Variants in DOCK8 observed in about 807,000 individuals in gnomAD.
DOCK8 encodes the protein dedicator of cytokinesis protein 8.
Under a neutral mutation model 245.6 loss-of-function variants are expected in DOCK8, and 141 were observed. The ratio of observed to expected loss-of-function variants is 0.57; its 90% CI spans 0.50 to 0.66. The LOEUF (loss-of-function observed/expected upper bound fraction) is 0.66. DOCK8 is among the 30% of genes least tolerant of loss of function. The pLI, the probability that DOCK8 is intolerant of heterozygous loss-of-function variation, is 0.00. For missense variants in DOCK8, 2,965 were observed against 2,603.4 expected, an observed-to-expected ratio of 1.14 and a Z score of -3.02; for synonymous variants, 1,168 against 970.2, an observed-to-expected ratio of 1.20 and a Z score of -3.79.
intron 7 of DOCK8, 145 bp from the exon 8 acceptor site, chr9:325,526 A>G (rs987941036): frequency 4.2e-5 from 30 of 718,756 alleles, no homozygotes; most frequent in Non-Finnish European, 7.5e-5. Context: ...TTAATATCCC[A>G]GTGCGATTCT....
chr9:364,505 A>G (rs1028398160), intron 14 of DOCK8, among the ~76,000 whole-genome samples: 1 of 151,986 alleles, frequency 6.6e-6, no homozygotes, highest in Non-Finnish European at 1.5e-5. Flanking sequence ...GTCATGATGC[A>G]TGCCTACTAT....
chr9:409,916 G>A (rs1417352613), intron 28 of DOCK8, among the ~76,000 whole-genome samples: 1 of 152,124 alleles, frequency 6.6e-6, no homozygotes, highest in Non-Finnish European at 1.5e-5. Context: ...TGGTGTATAT[G>A]TGCCACATTT....
At chr9:312,538 T>C in intron 6 of DOCK8, 1 of 399,370 alleles carries the variant, frequency 2.5e-6, no homozygotes. Context: ...GAGACATACA[T>C]TACTTAAACT....
intron 1 of DOCK8, among the ~76,000 whole-genome samples, chr9:237,745 T>A (rs1323462575): frequency 6.6e-6 from 1 of 152,134 alleles, no homozygotes; most frequent in African/African-American, 2.4e-5. Context: ...ATCCCACACA[T>A]TGATAAGCAG....
At chr9:251,971 T>TC (rs1482204178) in intron 1 of DOCK8, among the ~76,000 whole-genome samples, 2 of 134,400 alleles carry the variant, frequency 1.5e-5, no homozygotes, top group South Asian at 2.4e-4. Context: ...AATTGTGTTT[T>TC]CTTTTTTTTT....
At chr9:296,934 G>T (rs189657881) in intron 4 of DOCK8, among the ~76,000 whole-genome samples, 5 of 152,188 alleles carry the variant, frequency 3.3e-5, no homozygotes, top group Non-Finnish European at 7.4e-5. Flanking sequence ...ACACCATGTG[G>T]GTTCTGATTT....
intron 14 of DOCK8, among the ~76,000 whole-genome samples, chr9:345,645 G>T (rs1188247545): frequency 5.9e-5 from 9 of 152,252 alleles, no homozygotes; most frequent in African/African-American, 2.2e-4. Flanking sequence ...GTTGGCTTGG[G>T]ATAGGCTGGC....
At chr9:331,352 C>T (rs913596154) in intron 9 of DOCK8, among the ~76,000 whole-genome samples, 3 of 152,186 alleles carry the variant, frequency 2.0e-5, no homozygotes, top group Non-Finnish European at 4.4e-5. Context: ...GGGTTTTGAA[C>T]TTCTTTGATG....
Position 464,313 on chromosome 9 carries a change from T to A in DOCK8, c.*94T>A. 1 of 1,034,876 alleles carries A rather than the reference T, an allele frequency of 9.7e-7. No homozygotes were observed. The allele number at this position is 1,034,876 out of a possible 1,614,324, so 64.1% of individuals were successfully genotyped here. On this transcript the variant is annotated 3_prime_UTR_variant, in exon 48 of 48. Transcript: ENST00000432829. ...AAATGGGACATTTGCCACCCAGGAC[T>A]GACTGTACACTCCCTGATCAGCCAG...
intron 4 of DOCK8, among the ~76,000 whole-genome samples, chr9:296,368 A>T (rs1240939989): frequency 6.6e-6 from 1 of 152,220 alleles, no homozygotes; most frequent in Non-Finnish European, 1.5e-5. Flanking sequence ...GGAGAGCTGA[A>T]CTCTTAAGAA....
chr9:249,393 A>G (rs763117543), intron 1 of DOCK8, among the ~76,000 whole-genome samples: 16 of 152,194 alleles, frequency 1.1e-4, no homozygotes, highest in African/African-American at 1.7e-4. Context: ...GATGTTTTCT[A>G]TACTGTCAGC....
chr9:420,225 C>A, intron 30 of DOCK8, 176 bp from the exon 31 acceptor site: 1 of 718,886 alleles, frequency 1.4e-6, no homozygotes. Context: ...ACACAGCTTC[C>A]CCTGCCTAGG....
At chr9:421,930 C>G in intron 32 of DOCK8, 118 bp from the exon 33 acceptor site, 1 of 903,478 alleles carries the variant, frequency 1.1e-6, no homozygotes, top group Non-Finnish European at 1.8e-6. Context: ...CCTGCATGGA[C>G]TCTAATTAGC....
chr9:436,326 C>G (rs775302115), intron 39 of DOCK8, among the ~76,000 whole-genome samples: 30 of 152,172 alleles, frequency 2.0e-4, no homozygotes, highest in Non-Finnish European at 2.6e-4. Flanking sequence ...CACCTGATTT[C>G]AAATCACATA....
chr9:219,606 A>T (rs897643174), intron 1 of DOCK8, among the ~76,000 whole-genome samples: 1 of 152,198 alleles, frequency 6.6e-6, no homozygotes, highest in African/African-American at 2.4e-5. Flanking sequence ...GCATTTAAGA[A>T]CAACCACAGG....
At chr9:296,254 G>T (rs1225317141) in intron 4 of DOCK8, among the ~76,000 whole-genome samples, 3 of 152,150 alleles carry the variant, frequency 2.0e-5, no homozygotes, top group Non-Finnish European at 2.9e-5. Flanking sequence ...AATATTTGAT[G>T]ACATCCTTTG....
At chr9:335,904 C>A (rs190999598) in intron 11 of DOCK8, among the ~76,000 whole-genome samples, 323 of 152,224 alleles carry the variant, frequency 2.1e-3, no homozygotes, top group Non-Finnish European at 3.6e-3. Flanking sequence ...TAGTTCTAAG[C>A]AATTTGATTA....
At position 283,312 on chromosome 9, in the gene DOCK8, GT is replaced by G. The variant is rs2048669514; in HGVS notation, c.157-3148del. On this transcript the variant is annotated intron_variant, in intron 2 of 47. Coordinates refer to ENST00000432829, the MANE Select transcript of DOCK8 (RefSeq NM_203447.4). The stretch of plus-strand genomic sequence containing the variant: ...TGCTCCAAAATCTGAAACTTTTTTT[GT>G]GCCTCCATGACGCCACAAGTGGAAA... Among the ~76,000 whole-genome samples the G allele has an allele frequency of 2.6e-5, 4 of 152,224 alleles. No individual in the cohort carries two copies. The South Asian group carries it at 8.3e-4, about 32-fold the overall frequency.
Position 340,620 on chromosome 9 carries a change from C to CA in DOCK8, c.1679+309dup, listed in dbSNP as rs370980165. 71,105 of 180,158 alleles carry CA rather than the reference C, an allele frequency of 0.39. 13,922 individuals carry two copies. Among genetic ancestry groups the CA allele is most frequent in the East Asian group, 0.63 (4,244 of 6,696 alleles). 11.2% of individuals were successfully genotyped at this position (180,158 alleles called of 1,614,324 possible). On this transcript the variant is annotated intron_variant, in intron 14 of 47. Transcript: ENST00000432829. ...TGGGAGACAGAACCAGACTCTGTCT[C>CA]AAAAAAAAAAGAAAAAAAGAAAAGC... is the stretch of plus-strand genomic sequence containing the variant.
Sources: gnomAD v4.1 joint callset for allele counts (sites outside exome capture counted in the v4.1 genomes callset) on GRCh38, gnomAD v4.1.1 for gene constraint, MANE v1.5 for transcripts, NCBI Gene and HGNC (gene_info 2026-07-23, HGNC 2026-07-21) for gene names.